The following RASAL2 variants were observed in gnomAD, a reference collection of about 807,000 sequenced individuals.
RASAL2 encodes RAS protein activator like 2, also known as ras GTPase-activating protein nGAP.
RASAL2 carries 58 observed loss-of-function variants against 128.9 expected under a neutral mutation model. The observed-to-expected ratio is 0.45, with a 90% CI of 0.36 to 0.56. The LOEUF is 0.56. RASAL2 is among the 20% of genes least tolerant of loss of function. The pLI is 0.00. For missense variants in RASAL2, 1,360 were observed against 1,601.6 expected (o/e 0.85, Z 2.57); for synonymous variants, 561 against 580.8 (o/e 0.97, Z 0.49).
intron 3 of RASAL2, among the ~76,000 whole-genome samples, chr1:178,313,826 G>T (rs1668371119): frequency 6.6e-6 from 1 of 152,088 alleles, no homozygotes; most frequent in Admixed American, 6.6e-5. Flanking sequence ...CTTTAAAACA[G>T]CTTAGTTTTT....
intron 1 of RASAL2, among the ~76,000 whole-genome samples, chr1:178,185,857 A>G (rs1662273395): frequency 6.6e-6 from 1 of 151,894 alleles, no homozygotes; most frequent in South Asian, 2.1e-4. Flanking sequence ...CTTTCTTGTA[A>G]TGTCTCTCTC....
chr1:178,336,509 T>G (rs1669591735), intron 3 of RASAL2, among the ~76,000 whole-genome samples: 1 of 152,116 alleles, frequency 6.6e-6, no homozygotes, highest in African/African-American at 2.4e-5. Flanking sequence ...CTGCATTATA[T>G]GAGAAAAATG....
At chr1:178,356,249 A>G (rs927679115) in intron 3 of RASAL2, among the ~76,000 whole-genome samples, 2 of 152,116 alleles carry the variant, frequency 1.3e-5, no homozygotes, top group Non-Finnish European at 2.9e-5. Flanking sequence ...AGATGATACT[A>G]AAGTTGTCAA....
intron 2 of RASAL2, among the ~76,000 whole-genome samples, chr1:178,284,617 A>G (rs1278544180): frequency 6.6e-6 from 1 of 152,234 alleles, no homozygotes; most frequent in Non-Finnish European, 1.5e-5. Flanking sequence ...ACAGTTTACA[A>G]ATCCTTCCAC....
At chr1:178,114,579 T>C (rs1659455753) in intron 1 of RASAL2, among the ~76,000 whole-genome samples, 1 of 151,902 alleles carries the variant, frequency 6.6e-6, no homozygotes, top group African/African-American at 2.4e-5. Flanking sequence ...TGGAGTGCAA[T>C]GGCGGGATAT....
chr1:178,342,087 T>G (rs1467380833), intron 3 of RASAL2, among the ~76,000 whole-genome samples: 1 of 152,150 alleles, frequency 6.6e-6, no homozygotes, highest in Admixed American at 6.5e-5. Flanking sequence ...TTTAACAGGT[T>G]TGATCCATAG....
intron 3 of RASAL2, among the ~76,000 whole-genome samples, chr1:178,327,960 C>A (rs1669116401): frequency 6.6e-6 from 1 of 152,064 alleles, no homozygotes; most frequent in African/African-American, 2.4e-5. Flanking sequence ...CCAGGAGCCA[C>A]CAGAAATAGG....
intron 3 of RASAL2, among the ~76,000 whole-genome samples, chr1:178,312,907 T>C (rs1259851457): frequency 1.3e-5 from 2 of 152,204 alleles, no homozygotes; most frequent in Non-Finnish European, 2.9e-5. Flanking sequence ...GCACTTTACA[T>C]ATATGAATTT....
intron 3 of RASAL2, among the ~76,000 whole-genome samples, chr1:178,315,296 T>C (rs2102315193): frequency 6.8e-6 from 1 of 146,344 alleles, no homozygotes; most frequent in East Asian, 2.0e-4. Context: ...GTCATTTGGG[T>C]ATATACCCAG....
At position 178,445,662 on chromosome 1, in the gene RASAL2, G is replaced by A. The variant is rs933725840; in HGVS notation, c.1627G>A (p.Gly543Arg). 6.3e-7 allele frequency: 1 copy of A among 1,597,432 alleles called. No homozygotes were observed. The highest frequency in any genetic ancestry group is 8.5e-7 in the Non-Finnish European group (1 of 1,173,582). ...ACAACAGTATCTTCATGACGCACTGGGTATGAAAGAGAAAAACATCTATTT... is the reference window on the plus strand; with the variant it reads ...ACAACAGTATCTTCATGACGCACTGAGTATGAAAGAGAAAAACATCTATTT... ...VGQQYLHDAL[G>R]EFIKALYESD... Residue 543 changes from glycine (G) to arginine (R), a missense_variant and splice_region_variant, in exon 9 of 18, where the codon GGG becomes AGG. Gly to Arg is a moderately radical substitution (Grantham distance 125, BLOSUM62 -2). This residue lies in a region of RASAL2 where 617 missense variants were observed against 714.2 expected (regional missense o/e 0.86). Coordinates refer to ENST00000367649, the MANE Select transcript of RASAL2 (RefSeq NM_170692.4).
chr1:178,380,111 A>T (rs1571963601), intron 3 of RASAL2, among the ~76,000 whole-genome samples: 1 of 152,004 alleles, frequency 6.6e-6, no homozygotes, highest in African/African-American at 2.4e-5. Flanking sequence ...CTGGTCTCGA[A>T]CTCCTGAACT....
At chr1:178,270,529 G>A (rs138070381) in intron 1 of RASAL2, among the ~76,000 whole-genome samples, 1 of 150,402 alleles carries the variant, frequency 6.6e-6, no homozygotes, top group African/African-American at 2.4e-5. Context: ...TTTCCTGGAT[G>A]CCATTTTTTC....
At chr1:178,281,367 C>T (rs1666776716) in intron 1 of RASAL2, among the ~76,000 whole-genome samples, 1 of 151,678 alleles carries the variant, frequency 6.6e-6, no homozygotes, top group African/African-American at 2.4e-5. Flanking sequence ...TTTCACAATA[C>T]CATGAAGAAA....
intron 1 of RASAL2, among the ~76,000 whole-genome samples, chr1:178,243,602 C>CA (rs3041601): frequency 0.086 from 10,488 of 121,816 alleles, 1,027 homozygotes; most frequent in African/African-American, 0.25. Flanking sequence ...TTGTTGTTAT[C>CA]AAAAAAAAAA....
intron 1 of RASAL2, among the ~76,000 whole-genome samples, chr1:178,155,993 T>G (rs1281487807): frequency 6.6e-6 from 1 of 152,178 alleles, no homozygotes; most frequent in African/African-American, 2.4e-5. Flanking sequence ...TTATATTTCT[T>G]GCCTTGTTTA....
chr1:178,256,842 GT>G (rs1341779916), intron 1 of RASAL2, among the ~76,000 whole-genome samples: 2 of 151,898 alleles, frequency 1.3e-5, no homozygotes, highest in African/African-American at 4.8e-5. Context: ...CCCTGCTAAA[GT>G]TTTGTATTTT....
intron 3 of RASAL2, among the ~76,000 whole-genome samples, chr1:178,362,483 C>T (rs994135441): frequency 4.0e-5 from 6 of 149,974 alleles, no homozygotes; most frequent in African/African-American, 1.5e-4. Flanking sequence ...CCTCTCTTCC[C>T]TTCTCTTTTC....
At chr1:178,109,404 A>G (rs1398705300) in intron 1 of RASAL2, among the ~76,000 whole-genome samples, 1 of 152,076 alleles carries the variant, frequency 6.6e-6, no homozygotes, top group Admixed American at 6.6e-5. Context: ...ACTCACCTTC[A>G]CATGTTCTTT....
chr1:178,145,810 G>A (rs1372508548), intron 1 of RASAL2, among the ~76,000 whole-genome samples: 1 of 152,156 alleles, frequency 6.6e-6, no homozygotes, highest in Non-Finnish European at 1.5e-5. Flanking sequence ...CAAAGAGGAA[G>A]TGGATCAATG....
Sources: gnomAD v4.1 joint callset for allele counts (sites outside exome capture counted in the v4.1 genomes callset) on GRCh38, gnomAD v4.1.1 for gene constraint, gnomAD v4.1.1 regional missense constraint, MANE v1.5 for transcripts, NCBI Gene and HGNC (gene_info 2026-07-23, HGNC 2026-07-21) for gene names.